UBE2J1: variants seen among roughly 807,000 people sequenced by gnomAD.
The protein encoded by UBE2J1 is ubiquitin conjugating enzyme E2 J1.
A neutral mutation model predicts 42.1 loss-of-function variants in UBE2J1; 17 were observed. The observed-to-expected ratio is 0.40, with a 90% CI of 0.28 to 0.61. The LOEUF (loss-of-function observed/expected upper bound fraction) is 0.61. Ranked by LOEUF, UBE2J1 falls within the 20% of genes least tolerant of loss-of-function variation. The pLI, the probability that UBE2J1 is intolerant of heterozygous loss-of-function variation, is 0.38. For missense variants in UBE2J1, 291 were observed against 389.4 expected (o/e 0.75, Z 2.13); for synonymous variants, 127 against 137.2 (o/e 0.93, Z 0.52).
At chr6:89,334,092 C>G (rs1332923990) in intron 6 of UBE2J1, among the ~76,000 whole-genome samples, 2 of 152,188 alleles carry the variant, frequency 1.3e-5, no homozygotes, top group African/African-American at 4.8e-5. Context: ...CAACCTCCAC[C>G]TTCCAGGTTC....
intron 5 of UBE2J1, among the ~76,000 whole-genome samples, chr6:89,337,176 G>A (rs1768123521): frequency 6.6e-6 from 1 of 151,034 alleles, no homozygotes; most frequent in Non-Finnish European, 1.5e-5. Flanking sequence ...ATTATAGACT[G>A]AGAATCTAGA....
In UBE2J1 at chr6:89,327,959, A is replaced by T. The variant is rs1383503955; in HGVS notation, c.*1720T>A. On this transcript the variant is annotated 3_prime_UTR_variant, in exon 8 of 8. Coordinates refer to ENST00000435041, the MANE Select transcript of UBE2J1 (RefSeq NM_016021.3). ...AGAGTGTATTTTCTTATGGCAATAG[A>T]GTTATAAAATGGTAACCTATGATTT... The T allele has an allele frequency of 6.6e-6, 1 of 152,240 alleles. No individual in the cohort carries two copies. Among genetic ancestry groups the T allele is most frequent in the Admixed American group, 6.5e-5 (1 of 15,280 alleles). 9.4% of individuals were successfully genotyped at this position (152,240 alleles called of 1,614,324 possible). A position where few individuals can be genotyped will look rare whatever the true frequency, so the allele number is the denominator to read the frequency against.
chr6:89,335,192 A>G, intron 6 of UBE2J1, 110 bp downstream of exon 6: 3 of 1,047,600 alleles, frequency 2.9e-6, no homozygotes, highest in Non-Finnish European at 3.9e-6. Context: ...AAAGAAAAAC[A>G]TTGGCAAATG....
intron 3 of UBE2J1, among the ~76,000 whole-genome samples, chr6:89,340,115 G>A (rs1768215755): frequency 6.6e-6 from 1 of 152,114 alleles, no homozygotes; most frequent in Non-Finnish European, 1.5e-5. Context: ...AGTGAGGAAA[G>A]ACATGGGGAG....
At chr6:89,331,929 T>C (rs1158886220) in intron 7 of UBE2J1, among the ~76,000 whole-genome samples, 6 of 152,160 alleles carry the variant, frequency 3.9e-5, no homozygotes, top group Non-Finnish European at 7.3e-5. Context: ...CCCCTGCAAT[T>C]CATAAAATTA....
intron 1 of UBE2J1, 107 bp from the exon 2 acceptor site, chr6:89,343,863 A>G (rs1768307697): frequency 4.0e-6 from 3 of 741,984 alleles, no homozygotes; most frequent in Non-Finnish European, 6.3e-6. Context: ...AGTGCAAATG[A>G]GCATATGGCA....
intron 1 of UBE2J1, among the ~76,000 whole-genome samples, chr6:89,346,830 A>G (rs1169851928): frequency 6.6e-6 from 1 of 152,094 alleles, no homozygotes; most frequent in Non-Finnish European, 1.5e-5. Flanking sequence ...TTTTCCTCTT[A>G]TGAAGTTCAT....
At position 89,343,773 on chromosome 6, in the gene UBE2J1, A is replaced by G; in HGVS notation, c.32-17T>C. On this transcript the variant is annotated splice_polypyrimidine_tract_variant and intron_variant, in intron 1 of 7. Coordinates refer to ENST00000435041, the MANE Select transcript of UBE2J1 (RefSeq NM_016021.3). ...GTTTAACAGCTAAAATAAAATTCATAAAATAGAGATATTTAAAATATACTT... is the reference window on the plus strand; with the variant it reads ...GTTTAACAGCTAAAATAAAATTCATGAAATAGAGATATTTAAAATATACTT... 1.3e-6 allele frequency: 2 copies of G among 1,570,922 alleles called. No homozygotes were observed. Among genetic ancestry groups the G allele is most frequent in the Non-Finnish European group, 1.7e-6 (2 of 1,150,698 alleles).
At chr6:89,339,263 A>C (rs928369717) in intron 3 of UBE2J1, among the ~76,000 whole-genome samples, 6 of 149,500 alleles carry the variant, frequency 4.0e-5, no homozygotes, top group Non-Finnish European at 8.9e-5. Flanking sequence ...TGTCACCAAA[A>C]AAAGAAAAGA....
Position 89,352,693 on chromosome 6 carries a change from G to T in UBE2J1, c.-124C>A. 8.9e-7 allele frequency: 1 copy of T among 1,127,064 alleles called. No homozygotes were observed. Among genetic ancestry groups the T allele is most frequent in the Non-Finnish European group, 1.2e-6 (1 of 838,136 alleles). 69.8% of individuals were successfully genotyped at this position (1,127,064 alleles called of 1,614,324 possible). On this transcript the variant is annotated 5_prime_UTR_variant, in exon 1 of 8. Transcript: ENST00000435041. ...TGGCCGAGGAGCCTCGGCAAATGCC[G>T]CCCAGTCCAGCCTGGACTGCGGGCG...
chr6:89,333,123 A>T lies in UBE2J1; in HGVS notation c.641T>A (p.Ile214Lys). Residue 214 changes from isoleucine to lysine, a missense_variant, in exon 7 of 8, where the codon ATA becomes AAA. This residue lies in a region of UBE2J1 where 176 missense variants were observed against 196.3 expected (regional missense o/e 0.90). Transcript: ENST00000435041. The part of the protein sequence containing the change: ...SFSLTDLQDD[I>K]PTTFQGATAS... ...CGTAGCACCCTGGAATGTTGTAGGT[A>T]TATCATCTTGTAAATCAGTTAGTGA... 1 of 1,613,120 alleles carries T rather than the reference A, an allele frequency of 6.2e-7. No homozygotes were observed.
chr6:89,328,085 G>A lies in UBE2J1; in HGVS notation c.*1594C>T, dbSNP rs960438847. 5.9e-5 allele frequency: 9 copies of A among 152,066 alleles called. No homozygotes were observed. The highest frequency in any genetic ancestry group is 2.1e-4 in the South Asian group (1 of 4,824). 9.4% of individuals were successfully genotyped at this position (152,066 alleles called of 1,614,324 possible). On this transcript the variant is annotated 3_prime_UTR_variant, in exon 8 of 8. Transcript: ENST00000435041. ...TAATCTGTAAACACCTTTAAAATGCGAATTTATTAAAGTTTAAGACAATTC... is the reference window on the plus strand; with the variant it reads ...TAATCTGTAAACACCTTTAAAATGCAAATTTATTAAAGTTTAAGACAATTC...
At chr6:89,350,578 A>C (rs951188509) in intron 1 of UBE2J1, among the ~76,000 whole-genome samples, 1 of 152,214 alleles carries the variant, frequency 6.6e-6, no homozygotes, top group Non-Finnish European at 1.5e-5. Context: ...TAGATTTTTA[A>C]GAAGCATTGT....
At chr6:89,338,822 G>A (rs981388629) in intron 3 of UBE2J1, among the ~76,000 whole-genome samples, 2 of 151,552 alleles carry the variant, frequency 1.3e-5, no homozygotes, top group East Asian at 3.9e-4. Flanking sequence ...CCTGCCACCA[G>A]GCCTGGCTAA....
rs1377571198 is a variant in UBE2J1, at chr6:89,342,374, C to T, written c.187G>A (p.Val63Ile). 1.2e-6 allele frequency: 2 copies of T among 1,613,834 alleles called. No homozygotes were observed. The highest frequency in any genetic ancestry group is 2.7e-5 in the African/African-American group (2 of 74,902). ...FDGGVYHGRI[V>I]LPPEYPMKPP... The stretch of plus-strand genomic sequence containing the variant: ...TTCATGGGATACTCTGGTGGCAGTA[C>T]TATCCGCCCGTGATAAACTCCTCCA... Residue 63 changes from valine (V) to isoleucine (I), a missense_variant, in exon 3 of 8, where the codon GTA (valine) becomes ATA (isoleucine). Val to Ile is a conservative substitution (Grantham distance 29). This residue lies in a region of UBE2J1 where 115 missense variants were observed against 193.1 expected (regional missense o/e 0.60). Coordinates refer to ENST00000435041, the MANE Select transcript of UBE2J1 (RefSeq NM_016021.3).
At chr6:89,335,521 TAA>T in intron 5 of UBE2J1, 90 bp from the exon 6 acceptor site, 1 of 975,488 alleles carries the variant, frequency 1.0e-6, no homozygotes, top group Non-Finnish European at 1.4e-6. Context: ...TCATTAAACT[TAA>T]AAGAAAGGAA....
intron 6 of UBE2J1, 126 bp from the exon 7 acceptor site, chr6:89,333,331 G>A: frequency 1.8e-6 from 2 of 1,126,020 alleles, no homozygotes; most frequent in Admixed American, 2.8e-5. Flanking sequence ...TCTATTATCA[G>A]GCAGTTAATC....
At position 89,329,261 on chromosome 6, in the gene UBE2J1, T is replaced by A. The variant is rs1365348204; in HGVS notation, c.*418A>T. 5.3e-6 allele frequency: 1 copy of A among 189,064 alleles called. No individual in the cohort carries two copies. Among genetic ancestry groups the A allele is most frequent in the African/African-American group, 2.4e-5 (1 of 41,654 alleles). 11.7% of individuals were successfully genotyped at this position (189,064 alleles called of 1,614,324 possible). ...TTGCTTTCCCTTTTCAACTCTTCTA[T>A]CCCTATACATTCTACATACGTAGAA... On this transcript the variant is annotated 3_prime_UTR_variant, in exon 8 of 8. Transcript: ENST00000435041.
rs1414562444 is a variant in UBE2J1 at position 89,329,439 on chromosome 6, C to T, written c.*240G>A. On this transcript the variant is annotated 3_prime_UTR_variant, in exon 8 of 8. Coordinates refer to ENST00000435041, the MANE Select transcript of UBE2J1 (RefSeq NM_016021.3). Reference sequence around the variant, plus strand: ...AAACATGAGAAAAAACAAGTTATTTCCCTGCAAAGCAGATCAAATAGTGAG... The same window carrying T: ...AAACATGAGAAAAAACAAGTTATTTTCCTGCAAAGCAGATCAAATAGTGAG... 4.2e-6 allele frequency: 2 copies of T among 474,112 alleles called. No individual in the cohort carries two copies. The highest frequency in any genetic ancestry group is 7.4e-6 in the Non-Finnish European group (2 of 270,588). 29.4% of individuals were successfully genotyped at this position (474,112 alleles called of 1,614,324 possible). A position where few individuals can be genotyped will look rare whatever the true frequency, so the allele number is the denominator to read the frequency against.
Sources: allele counts gnomAD v4.1 joint callset (sites outside exome capture counted in the v4.1 genomes callset), GRCh38; gene constraint gnomAD v4.1.1; regional missense constraint gnomAD v4.1.1; transcripts MANE v1.5; gene names NCBI Gene and HGNC (gene_info 2026-07-23, HGNC 2026-07-21).